The following PTPRE variants were observed in gnomAD, a reference collection of about 807,000 sequenced individuals.
PTPRE encodes receptor-type tyrosine-protein phosphatase epsilon.
A neutral mutation model predicts 102.0 loss-of-function variants in PTPRE; 51 were observed. That is an observed-to-expected ratio of 0.50 (90% CI 0.40 to 0.63). PTPRE has a LOEUF of 0.63. PTPRE is among the 30% of genes least tolerant of loss of function. The probability of loss-of-function intolerance (pLI) is 0.00; values close to 1 mark genes in which losing one functional copy is unlikely to be tolerated. For synonymous variants in PTPRE, 345 were observed against 348.2 expected, an observed-to-expected ratio of 0.99 and a Z score of 0.10; for missense variants, 752 against 915.1, an observed-to-expected ratio of 0.82 and a Z score of 2.30.
chr10:128,017,378 C>G (rs529107835), intron 2 of PTPRE, among the ~76,000 whole-genome samples: 3 of 152,220 alleles, frequency 2.0e-5, no homozygotes, highest in Admixed American at 2.0e-4. Context: ...GGCTGCTGCC[C>G]GAGCTGGCCT....
In PTPRE at chr10:127,932,704, A is replaced by C. The variant is rs149311574; in HGVS notation, c.-31+25395A>C. 5.8e-3 allele frequency among the ~76,000 whole-genome samples: 886 copies of C among 152,108 alleles called. 6 individuals are homozygous for C. Among genetic ancestry groups the C allele is most frequent in the Admixed American group, 9.4e-3 (144 of 15,278 alleles). On this transcript the variant is annotated intron_variant, in intron 1 of 20. Transcript: ENST00000254667. ...CCTCACGCAGCAGTGACAAAGTACC[A>C]CTCACTCAGTGGCTCACCGTCAGAG...
At chr10:128,049,397 C>G in intron 5 of PTPRE, 133 bp from the exon 6 acceptor site, 7 of 1,153,710 alleles carry the variant, frequency 6.1e-6, no homozygotes, top group Middle Eastern at 2.1e-4. Flanking sequence ...CTTAGCCCAG[C>G]TATGCGATTT....
chr10:127,907,652 G>T lies in PTPRE; in HGVS notation c.-31+343G>T, dbSNP rs1845575295. Reference sequence around the variant, plus strand: ...AGTGCGCGGGGGCCGGCGGCAGGGCGGCGTACGTGAAAGCGGGCGACACAG... The same window carrying T: ...AGTGCGCGGGGGCCGGCGGCAGGGCTGCGTACGTGAAAGCGGGCGACACAG... On this transcript the variant is annotated intron_variant, in intron 1 of 20. Coordinates refer to ENST00000254667, the MANE Select transcript of PTPRE (RefSeq NM_006504.6). The surrounding 1 kb of genome is among the most constrained non-coding windows in gnomAD (Gnocchi z 4.8). Among the ~76,000 whole-genome samples, 1 of 152,170 alleles carries T rather than the reference G, an allele frequency of 6.6e-6. No individual in the cohort carries two copies. Among genetic ancestry groups the T allele is most frequent in the African/African-American group, 2.4e-5 (1 of 41,456 alleles).
intron 17 of PTPRE, among the ~76,000 whole-genome samples, chr10:128,076,286 C>A (rs192942626): frequency 5.3e-5 from 8 of 152,258 alleles, no homozygotes; most frequent in African/African-American, 1.9e-4. Flanking sequence ...TCACATCAAC[C>A]CTGGTAGGGA....
intron 2 of PTPRE, among the ~76,000 whole-genome samples, chr10:128,026,041 T>C (rs1023142395): frequency 3.3e-5 from 5 of 152,072 alleles, no homozygotes; most frequent in African/African-American, 1.2e-4. Flanking sequence ...GAGTCTCCCA[T>C]GTATCTCCAG....
intron 1 of PTPRE, among the ~76,000 whole-genome samples, chr10:127,914,953 G>A (rs113621630): frequency 0.016 from 2,449 of 152,290 alleles, 37 homozygotes; most frequent in Middle Eastern, 0.034. Flanking sequence ...CTGAATCTCT[G>A]AAGCAGAAGC....
At chr10:127,958,129 T>C (rs1283936456) in intron 1 of PTPRE, among the ~76,000 whole-genome samples, 3 of 152,226 alleles carry the variant, frequency 2.0e-5, no homozygotes, top group African/African-American at 7.2e-5. Context: ...TAGATAATCA[T>C]GTAATCTGTG....
intron 2 of PTPRE, among the ~76,000 whole-genome samples, chr10:127,991,849 C>G (rs1290433904): frequency 6.6e-6 from 1 of 152,174 alleles, no homozygotes; most frequent in Non-Finnish European, 1.5e-5. Flanking sequence ...CTTGTGGCCA[C>G]CAGAGCTATG....
intron 2 of PTPRE, among the ~76,000 whole-genome samples, chr10:128,040,401 C>T (rs1022388117): frequency 1.3e-5 from 2 of 152,066 alleles, no homozygotes; most frequent in African/African-American, 4.8e-5. Context: ...GATGAAGAAA[C>T]CGATTGAAAA....
At chr10:128,061,498 G>A (rs1359844943) in intron 8 of PTPRE, among the ~76,000 whole-genome samples, 181 bp from the exon 9 acceptor site, 6 of 152,176 alleles carry the variant, frequency 3.9e-5, no homozygotes, top group Non-Finnish European at 7.4e-5. Context: ...GAGAGGGGAC[G>A]TATGAAGTAG....
intron 1 of PTPRE, among the ~76,000 whole-genome samples, chr10:127,921,894 G>T (rs1846634876): frequency 6.6e-6 from 1 of 152,224 alleles, no homozygotes; most frequent in South Asian, 2.1e-4. Context: ...ACAGGGTGCT[G>T]TGGCTCAGGG....
At chr10:127,959,988 G>A (rs1676003318) in intron 1 of PTPRE, among the ~76,000 whole-genome samples, 1 of 152,200 alleles carries the variant, frequency 6.6e-6, no homozygotes, top group Non-Finnish European at 1.5e-5. Context: ...GCTAGTGCCT[G>A]TCCTCTTGGA....
chr10:128,075,803 T>C (rs930917849), intron 17 of PTPRE, among the ~76,000 whole-genome samples: 2 of 152,240 alleles, frequency 1.3e-5, no homozygotes, highest in Non-Finnish European at 2.9e-5. Context: ...GATTCCAAGG[T>C]CAACCCCATC....
intron 1 of PTPRE, among the ~76,000 whole-genome samples, chr10:127,921,039 C>G (rs1057128670): frequency 2.6e-5 from 4 of 152,242 alleles, no homozygotes; most frequent in Non-Finnish European, 5.9e-5. Flanking sequence ...TTCTGATAAT[C>G]CAGGCTTGGG....
intron 1 of PTPRE, among the ~76,000 whole-genome samples, chr10:127,947,671 C>T (rs1259186678): frequency 1.3e-5 from 2 of 152,194 alleles, no homozygotes; most frequent in African/African-American, 2.4e-5. Flanking sequence ...CCTGGACCAC[C>T]ATGACCACCC....
At chr10:128,047,647 C>G in intron 4 of PTPRE, 117 bp from the exon 5 acceptor site, 1 of 1,614,154 alleles carries the variant, frequency 6.2e-7, no homozygotes, top group Non-Finnish European at 8.5e-7. Context: ...CGCGGCTCAG[C>G]CATGAGCAAC....
At chr10:128,019,098 C>T (rs61873754) in intron 2 of PTPRE, among the ~76,000 whole-genome samples, 8,889 of 152,330 alleles carry the variant, frequency 0.058, 386 homozygotes, top group Middle Eastern at 0.12. Context: ...GGCATTGGGG[C>T]ATCCCCTGGT....
intron 1 of PTPRE, among the ~76,000 whole-genome samples, chr10:127,962,189 A>G (rs1395475445): frequency 1.3e-5 from 2 of 152,138 alleles, no homozygotes; most frequent in African/African-American, 4.8e-5. Context: ...GGGGGTGAGG[A>G]AGAGGCTGCA....
At chr10:128,075,154 G>A (rs890442284) in intron 17 of PTPRE, among the ~76,000 whole-genome samples, 21 of 152,066 alleles carry the variant, frequency 1.4e-4, no homozygotes, top group Admixed American at 9.8e-4. Flanking sequence ...TGGTTCATTC[G>A]TCATCATTAT....
Sources: gnomAD v4.1 joint callset for allele counts (sites outside exome capture counted in the v4.1 genomes callset) on GRCh38, gnomAD v4.1.1 for gene constraint, Gnocchi (gnomAD v3.1) non-coding constraint, MANE v1.5 for transcripts, NCBI Gene and HGNC (gene_info 2026-07-23, HGNC 2026-07-21) for gene names.